FHIP1B: variants seen among roughly 807,000 people sequenced by gnomAD.
FHIP1B encodes FHF complex subunit HOOK interacting protein 1B.
Under a neutral mutation model 82.2 loss-of-function variants are expected in FHIP1B, and 28 were observed. The observed-to-expected ratio is 0.34, with a 90% CI of 0.25 to 0.47. The LOEUF (loss-of-function observed/expected upper bound fraction) is 0.47. FHIP1B is among the 20% of genes least tolerant of loss of function. The pLI, the probability that FHIP1B is intolerant of heterozygous loss-of-function variation, is 1.00. For synonymous variants in FHIP1B, 585 were observed against 516.1 expected (o/e 1.13, Z -1.81); for missense variants, 1,110 against 1,262.6 (o/e 0.88, Z 1.83).
chr11:6,226,474 G>A (rs1028296886), intron 1 of FHIP1B, among the ~76,000 whole-genome samples: 5 of 152,232 alleles, frequency 3.3e-5, no homozygotes, highest in African/African-American at 9.6e-5. Context: ...GGGCATGAAG[G>A]AAAACAACTA....
chr11:6,223,218 A>G lies in FHIP1B; in HGVS notation c.798T>C (p.Ser266=). 2 of 1,591,654 alleles carry G rather than the reference A, an allele frequency of 1.3e-6. No homozygotes were observed. The highest frequency in any genetic ancestry group is 1.7e-6 in the Non-Finnish European group (2 of 1,174,762). The change falls in exon 4 of 12, where the codon AGT becomes AGC. Residue 266 remains serine (S), a synonymous_variant. Transcript: ENST00000449352. The surrounding 1 kb of genome is among the most constrained non-coding windows in gnomAD (Gnocchi z 4.8). Reference sequence around the variant, plus strand: ...TTCGAGGCAGTGATGAGTACAGGGCACTGAGCCCTGTGGCCAGCACCTATG... The same window carrying G: ...TTCGAGGCAGTGATGAGTACAGGGCGCTGAGCCCTGTGGCCAGCACCTATG... ...YFCPVLATGL[S]ALYSSLPRKI...
chr11:6,226,683 A>C (rs999034391), intron 1 of FHIP1B, among the ~76,000 whole-genome samples: 1 of 152,250 alleles, frequency 6.6e-6, no homozygotes, highest in Non-Finnish European at 1.5e-5. Context: ...ATCACAGACT[A>C]TTCAGAGAAG....
chr11:6,213,088 T>C (rs542678760), intron 11 of FHIP1B, among the ~76,000 whole-genome samples: 1 of 152,334 alleles, frequency 6.6e-6, no homozygotes, highest in East Asian at 1.9e-4. Context: ...GTCTACCTTG[T>C]CTACCTGGCC....
At position 6,223,955 on chromosome 11, in the gene FHIP1B, T is replaced by C. The variant is rs1847490412; in HGVS notation, c.432A>G (p.Pro144=). 3 of 1,614,148 alleles carry C rather than the reference T, an allele frequency of 1.9e-6. No individual in the cohort carries two copies. The East Asian group carries it at 6.7e-5, about 36-fold the overall frequency. Residue 144 remains proline (P), a synonymous_variant, in exon 3 of 12, where the codon CCA becomes CCG. Coordinates refer to ENST00000449352, the MANE Select transcript of FHIP1B (RefSeq NM_001098794.2). The surrounding 1 kb of genome is among the most constrained non-coding windows in gnomAD (Gnocchi z 4.8). ...FEMLVSEARQ[P]LLRHGPVREA... ...CACGAACTGGACCATGCCGCAACAG[T>C]GGCTGGCGAGCTTCGCTCACTAGCA...
rs770063912 is a variant in FHIP1B, at chr11:6,224,527, G to A, written c.-11C>T. 7 of 1,601,238 alleles carry A rather than the reference G, an allele frequency of 4.4e-6. No individual in the cohort carries two copies. Among genetic ancestry groups the A allele is most frequent in the South Asian group, 2.2e-5 (2 of 89,316 alleles). ...ATTCATCCTCTCCATGAGGCAGGCT[G>A]GGCAGGACTGGCAGCCAGAGGCCTA... On this transcript the variant is annotated 5_prime_UTR_variant, in exon 2 of 12. Transcript: ENST00000449352.
chr11:6,227,620 T>C (rs1847596152), intron 1 of FHIP1B, among the ~76,000 whole-genome samples: 2 of 152,086 alleles, frequency 1.3e-5, no homozygotes, highest in Admixed American at 6.5e-5. Context: ...ATACCATACT[T>C]GAGATAATGA....
intron 1 of FHIP1B, among the ~76,000 whole-genome samples, chr11:6,229,045 C>CTTG (rs1467328259): frequency 1.3e-5 from 2 of 152,238 alleles, no homozygotes; most frequent in East Asian, 3.8e-4. Flanking sequence ...TCTTCCCAAA[C>CTTG]CCAGCTTGAG....
intron 8 of FHIP1B, 96 bp from the exon 9 acceptor site, chr11:6,218,246 G>A (rs1398522459): frequency 1.4e-6 from 2 of 1,453,294 alleles, no homozygotes; most frequent in African/African-American, 2.9e-5. Context: ...ACAATGGGGA[G>A]GCAGAAACAT....
intron 9 of FHIP1B, chr11:6,216,956 G>A (rs1037186203): frequency 8.0e-6 from 5 of 628,056 alleles, no homozygotes; most frequent in East Asian, 5.4e-5. Flanking sequence ...TAAACTGGAC[G>A]GAATGGCATA....
At chr11:6,229,941 C>T (rs1373132589) in intron 1 of FHIP1B, among the ~76,000 whole-genome samples, 1 of 151,520 alleles carries the variant, frequency 6.6e-6, no homozygotes, top group Admixed American at 6.6e-5. Context: ...AAATCACCAC[C>T]CTCTCATGGT....
intron 6 of FHIP1B, among the ~76,000 whole-genome samples, chr11:6,219,918 G>A (rs772621080): frequency 5.9e-5 from 9 of 152,192 alleles, no homozygotes; most frequent in African/African-American, 1.4e-4. Flanking sequence ...AGAAAAACAC[G>A]TGACAGCAGT....
chr11:6,217,036 TG>T (rs1590610681), intron 9 of FHIP1B: 1 of 696,166 alleles, frequency 1.4e-6, no homozygotes, highest in East Asian at 2.7e-5. Context: ...AATATTGCTG[TG>T]ATTCACCAGG....
In FHIP1B at chr11:6,211,791, T is replaced by C; in HGVS notation, c.2634A>G (p.Ala878=). The C allele has an allele frequency of 6.2e-7, 1 of 1,613,554 alleles. No homozygotes were observed. Among genetic ancestry groups the C allele is most frequent in the East Asian group, 2.2e-5 (1 of 44,882 alleles). ...AHSPTRARQA[A]QLVLQPGRDG... ...CTCGCCCAGGCTGAAGGACCAATTG[T>C]GCCGCCTGCCGGGCCCTGGTTGGAC... is the stretch of plus-strand genomic sequence containing the variant. Residue 878 remains alanine, a synonymous_variant, in exon 12 of 12, where the codon GCA becomes GCG. Coordinates refer to ENST00000449352, the MANE Select transcript of FHIP1B (RefSeq NM_001098794.2).
chr11:6,226,572 G>A (rs778736805), intron 1 of FHIP1B, among the ~76,000 whole-genome samples: 2 of 152,136 alleles, frequency 1.3e-5, no homozygotes, highest in African/African-American at 2.4e-5. Context: ...AGAGAGCAGA[G>A]GGAAAGGTTT....
chr11:6,217,585 G>A lies in FHIP1B; in HGVS notation c.2001C>T (p.Gly667=), dbSNP rs774682640. 4 of 1,612,698 alleles carry A rather than the reference G, an allele frequency of 2.5e-6. No individual in the cohort carries two copies. The highest frequency in any genetic ancestry group is 3.4e-6 in the Non-Finnish European group (4 of 1,179,282). ...AGELLEGISE[G]MAGLEGFGQE... Reference sequence around the variant, plus strand: ...GCCCAAAGCCCTCTAGTCCTGCCATGCCCTCGGAGATGCCCTCTAGCAGTT... The same window carrying A: ...GCCCAAAGCCCTCTAGTCCTGCCATACCCTCGGAGATGCCCTCTAGCAGTT... The change falls in exon 9 of 12, where the codon GGC becomes GGT. Residue 667 remains glycine, a synonymous_variant. Coordinates refer to ENST00000449352, the MANE Select transcript of FHIP1B (RefSeq NM_001098794.2).
chr11:6,224,178 C>T lies in FHIP1B; in HGVS notation c.209G>A (p.Arg70His), dbSNP rs1847498220. 5 of 1,613,570 alleles carry T rather than the reference C, an allele frequency of 3.1e-6. No homozygotes were observed. Among genetic ancestry groups the T allele is most frequent in the South Asian group, 1.1e-5 (1 of 90,980 alleles). Residue 70 changes from arginine (R) to histidine (H), a missense_variant, in exon 3 of 12, where the codon CGC becomes CAC. Around this residue, in one of 6 missense-constraint regions of FHIP1B, gnomAD observed 467 missense variants for 602.9 expected, o/e 0.77. Coordinates refer to ENST00000449352, the MANE Select transcript of FHIP1B (RefSeq NM_001098794.2). ...TGTCAACATCTGGTAAGTGTGGTTG[C>T]GCACAGCACTGAGATCGTCTGCACC... ...PGGADDLSAV[R>H]NHTYQMLTLL...
Position 6,214,808 on chromosome 11 carries a change from G to A in FHIP1B, c.2319C>T (p.His773=). Residue 773 remains histidine, a synonymous_variant, in exon 10 of 12, where the codon CAC becomes CAT. Transcript: ENST00000449352. The part of the protein sequence containing the change: ...LTGLVAQLAC[H]PQPLLRSFLL... ...GGAAAGAGCGGAGCAGGGGCTGGGG[G>A]TGACAGGCCAGCTGGGCCACCAGCC... 1.2e-6 allele frequency: 2 copies of A among 1,611,898 alleles called. No individual in the cohort carries two copies. Among genetic ancestry groups the A allele is most frequent in the South Asian group, 1.1e-5 (1 of 90,788 alleles).
At chr11:6,233,579 AAATAT>A (rs562558107) in intron 1 of FHIP1B, among the ~76,000 whole-genome samples, 131 of 152,376 alleles carry the variant, frequency 8.6e-4, no homozygotes, top group African/African-American at 2.8e-3. Flanking sequence ...CACACATTTT[AAATAT>A]AATATAAACT....
rs776932941 is a variant in FHIP1B, at chr11:6,214,464, T to G, written c.2504A>C (p.Asp835Ala). The change falls in exon 11 of 12, where the codon GAC becomes GCC. Residue 835 changes from aspartate to alanine, a missense_variant. Asp to Ala is a moderately radical substitution (Grantham distance 126). Around this residue, in one of 6 missense-constraint regions of FHIP1B, gnomAD observed 147 missense variants for 154.0 expected, o/e 0.95. Coordinates refer to ENST00000449352, the MANE Select transcript of FHIP1B (RefSeq NM_001098794.2). ...KKYLIARGKL[D>A]WAEGPAAGPA... ...TCCTGCTGCAGGGCCCTCAGCCCAG[T>G]CCAACTTGCCACGGGCAATGAGGTA... is the stretch of plus-strand genomic sequence containing the variant. 2 of 1,613,988 alleles carry G rather than the reference T, an allele frequency of 1.2e-6. No homozygotes were observed. Among genetic ancestry groups the G allele is most frequent in the Non-Finnish European group, 1.7e-6 (2 of 1,179,998 alleles).
Sources: gnomAD v4.1 joint callset for allele counts (sites outside exome capture counted in the v4.1 genomes callset) on GRCh38, gnomAD v4.1.1 for gene constraint, gnomAD v4.1.1 regional missense constraint, Gnocchi (gnomAD v3.1) non-coding constraint, MANE v1.5 for transcripts, NCBI Gene and HGNC (gene_info 2026-07-23, HGNC 2026-07-21) for gene names.